SNRNP48: variants seen among roughly 807,000 people sequenced by gnomAD.
The protein encoded by SNRNP48 is U11/U12 small nuclear ribonucleoprotein 48 kDa protein.
Under a neutral mutation model 47.0 loss-of-function variants are expected in SNRNP48, and 43 were observed. The ratio of observed to expected loss-of-function variants is 0.92; its 90% confidence interval spans 0.72 to 1.18. The LOEUF (loss-of-function observed/expected upper bound fraction) is 1.18, where lower values mean the gene tolerates loss of function less well. Ranked by LOEUF, SNRNP48 falls within the 50% of genes most tolerant of loss-of-function variation. The pLI, the probability that SNRNP48 is intolerant of heterozygous loss-of-function variation, is 0.00. For missense variants in SNRNP48, 396 were observed against 422.2 expected (o/e 0.94, Z 0.54); for synonymous variants, 138 against 144.0 (o/e 0.96, Z 0.30).
intron 1 of SNRNP48, among the ~76,000 whole-genome samples, chr6:7,591,677 T>A (rs1307519967): frequency 6.6e-6 from 1 of 152,178 alleles, no homozygotes; most frequent in African/African-American, 2.4e-5. Flanking sequence ...TGTATTAACG[T>A]TTAAATAGCA....
At chr6:7,594,383 G>C (rs78946610) in intron 3 of SNRNP48, among the ~76,000 whole-genome samples, 2,153 of 152,262 alleles carry the variant, frequency 0.014, 61 homozygotes, top group African/African-American at 0.048. Flanking sequence ...ACAAAGCTTT[G>C]TATAGTAGAG....
rs1005413132 is a variant in SNRNP48, at chr6:7,610,750, A to C, written c.*1877A>C. On this transcript the variant is annotated 3_prime_UTR_variant, in exon 9 of 9. Coordinates refer to ENST00000342415, the MANE Select transcript of SNRNP48 (RefSeq NM_152551.4). ...TTTTATAGTATCACTGCTACAAACT[A>C]TTTAATGAAATGTGGCATCGGGTGA... 2.0e-5 allele frequency: 3 copies of C among 152,192 alleles called. No homozygotes were observed. The highest frequency in any genetic ancestry group is 2.9e-5 in the Non-Finnish European group (2 of 68,026). 9.4% of individuals were successfully genotyped at this position (152,192 alleles called of 1,614,324 possible).
At chr6:7,604,271 A>G (rs1226380453) in intron 6 of SNRNP48, among the ~76,000 whole-genome samples, 1 of 152,216 alleles carries the variant, frequency 6.6e-6, no homozygotes, top group African/African-American at 2.4e-5. Context: ...GGACCTTGGC[A>G]TATCTTAGGT....
In SNRNP48 at chr6:7,595,050, A is replaced by G. The variant is rs745617717; in HGVS notation, c.355A>G (p.Ile119Val). The part of the protein sequence containing the change: ...TLNKDSQFQI[I>V]KQARTAVGKD... The stretch of plus-strand genomic sequence containing the variant: ...AGATAAGGACTCACAATTCCAGATA[A>G]TTAAACAAGCTAGAACTGCAGTTGG... Residue 119 changes from isoleucine to valine, a missense_variant, in exon 4 of 9, where the codon ATT becomes GTT. Physicochemically the swap from Ile to Val is conservative, Grantham distance 29. Transcript: ENST00000342415. 5.6e-6 allele frequency: 9 copies of G among 1,600,144 alleles called. No homozygotes were observed. Among genetic ancestry groups the G allele is most frequent in the Non-Finnish European group, 7.7e-6 (9 of 1,175,666 alleles).
intron 7 of SNRNP48, among the ~76,000 whole-genome samples, chr6:7,605,806 G>A (rs1015739416): frequency 6.6e-6 from 1 of 152,110 alleles, no homozygotes; most frequent in Non-Finnish European, 1.5e-5. Flanking sequence ...CAAGGTCATC[G>A]CCAAGGTCTC....
At position 7,590,392 on chromosome 6, in the gene SNRNP48, C is replaced by A; in HGVS notation, c.135C>A (p.Pro45=). The A allele has an allele frequency of 7.5e-7, 1 of 1,328,844 alleles. No homozygotes were observed. Among genetic ancestry groups the A allele is most frequent in the Admixed American group, 3.6e-5 (1 of 27,506 alleles). The allele number at this position is 1,328,844 out of a possible 1,614,324, so 82.3% of individuals were successfully genotyped here. A position where few individuals can be genotyped will look rare whatever the true frequency, so the allele number is the denominator to read the frequency against. The change falls in exon 1 of 9, where the codon CCC becomes CCA. Residue 45 remains proline, a synonymous_variant. Transcript: ENST00000342415. Reference sequence around the variant, plus strand: ...GCTGGGACCTAGATAGTCTGGATCCCGGGGAAGAGGAGGCGGCGGAGGTGA... The same window carrying A: ...GCTGGGACCTAGATAGTCTGGATCCAGGGGAAGAGGAGGCGGCGGAGGTGA... The part of the protein sequence containing the change: ...SLGWDLDSLD[P]GEEEAAEDEV...
rs1284702516 is a variant in SNRNP48 at position 7,590,262 on chromosome 6, A to C, written c.5A>C (p.Glu2Ala). ...CTTGGCGGGTGGGCTGCAGCTATGG[A>C]GGGCGAGCCTCCACCTGTGGAGGAG... is the stretch of plus-strand genomic sequence containing the variant. M[E>A]GEPPPVEERR... Residue 2 changes from glutamate to alanine, a missense_variant, in exon 1 of 9, where the codon GAG (glutamate) becomes GCG (alanine). Transcript: ENST00000342415. 5 of 1,332,812 alleles carry C rather than the reference A, an allele frequency of 3.8e-6. No homozygotes were observed. The highest frequency in any genetic ancestry group is 4.8e-6 in the Non-Finnish European group (5 of 1,032,524). 82.6% of individuals were successfully genotyped at this position (1,332,812 alleles called of 1,614,324 possible).
chr6:7,591,612 T>C (rs555046378), intron 1 of SNRNP48, among the ~76,000 whole-genome samples: 2 of 152,240 alleles, frequency 1.3e-5, no homozygotes, highest in Admixed American at 1.3e-4. Context: ...TGAGTGGGGC[T>C]TACCAGACCC....
intron 4 of SNRNP48, among the ~76,000 whole-genome samples, chr6:7,598,567 G>T (rs1332134461): frequency 1.3e-5 from 2 of 152,072 alleles, no homozygotes; most frequent in African/African-American, 2.4e-5. Flanking sequence ...TATTTTTGTG[G>T]CTCACTTATG....
chr6:7,602,775 A>G (rs769193433), intron 6 of SNRNP48, 31 bp downstream of exon 6: 1 of 1,506,868 alleles, frequency 6.6e-7, no homozygotes, highest in Non-Finnish European at 8.9e-7. Flanking sequence ...GTTGATAAGA[A>G]TTTCCCTTAG....
rs1760021159 is a variant in SNRNP48, at chr6:7,601,486, G to A, written c.557G>A (p.Ser186Asn). 6.3e-7 allele frequency: 1 copy of A among 1,595,720 alleles called. No individual in the cohort carries two copies. The highest frequency in any genetic ancestry group is 8.5e-7 in the Non-Finnish European group (1 of 1,175,742). The change falls in exon 5 of 9, where the codon AGC becomes AAC. Residue 186 changes from serine to asparagine, a missense_variant. By Grantham distance (46) the Ser-to-Asn change is conservative. Transcript: ENST00000342415. ...RSDSQIIEND[S>N]DLFVDLAAKI... is the part of the protein sequence containing the mutation. ...GATTCTCAAATTATTGAAAATGACA[G>A]CGATCTCTTTGTAGACTTGGCTGCC...
chr6:7,598,914 A>G (rs906342988), intron 4 of SNRNP48, among the ~76,000 whole-genome samples: 1 of 152,146 alleles, frequency 6.6e-6, no homozygotes, highest in African/African-American at 2.4e-5. Flanking sequence ...ATAAACAATC[A>G]TTTTATGTTT....
chr6:7,605,610 C>A, intron 7 of SNRNP48, 124 bp downstream of exon 7: 1 of 909,102 alleles, frequency 1.1e-6, no homozygotes. Flanking sequence ...CGTGAAAATG[C>A]TTTTTGTTTT....
chr6:7,593,635 A>G (rs554471367), intron 1 of SNRNP48, 99 bp from the exon 2 acceptor site: 1 of 713,532 alleles, frequency 1.4e-6, no homozygotes, highest in Non-Finnish European at 2.2e-6. Context: ...AGGATGCACT[A>G]TACAGTACTG....
intron 6 of SNRNP48, among the ~76,000 whole-genome samples, chr6:7,603,621 C>T (rs929351673): frequency 2.0e-5 from 3 of 152,144 alleles, no homozygotes; most frequent in African/African-American, 7.2e-5. Flanking sequence ...CATTTTAAAT[C>T]TTGTTGAGTT....
chr6:7,607,295 G>A (rs890143827), intron 8 of SNRNP48, among the ~76,000 whole-genome samples: 1 of 152,162 alleles, frequency 6.6e-6, no homozygotes, highest in Admixed American at 6.5e-5. Flanking sequence ...TCCAGCCTGG[G>A]CAACAAAGTG....
intron 8 of SNRNP48, among the ~76,000 whole-genome samples, 169 bp downstream of exon 8, chr6:7,606,364 A>C (rs932700934): frequency 5.3e-5 from 8 of 152,214 alleles, no homozygotes; most frequent in African/African-American, 1.4e-4. Flanking sequence ...CAGTTCAAAT[A>C]ACCACCACTC....
Position 7,590,251 on chromosome 6 carries a change from T to G in SNRNP48, c.-7T>G, listed in dbSNP as rs377738589. 8.1e-3 allele frequency: 10,617 copies of G among 1,309,698 alleles called. 58 individuals are homozygous for G. The highest frequency in any genetic ancestry group is 9.4e-3 in the Non-Finnish European group (9,564 of 1,021,208). The allele number at this position is 1,309,698 out of a possible 1,614,324, so 81.1% of individuals were successfully genotyped here. On this transcript the variant is annotated 5_prime_UTR_variant, in exon 1 of 9. Transcript: ENST00000342415. The stretch of plus-strand genomic sequence containing the variant: ...GGCCGCTTCCTCTTGGCGGGTGGGC[T>G]GCAGCTATGGAGGGCGAGCCTCCAC...
rs1412761082 is a variant in SNRNP48, at chr6:7,594,158, GAGTA to G, written c.331+4_331+7del. ...ATGTGAAGATACCTTCGATTACTTT[GAGTA>G]AGTATTAAGTTATTATAATTTAAAA... On this transcript the variant is annotated splice_donor_variant and splice_donor_region_variant and coding_sequence_variant and intron_variant, in exon 3 of 9. Transcript: ENST00000342415. LOFTEE classifies it high-confidence loss of function. 6 of 1,320,578 alleles carry G rather than the reference GAGTA, an allele frequency of 4.5e-6. No homozygotes were observed. Among genetic ancestry groups the G allele is most frequent in the African/African-American group, 4.5e-5 (3 of 66,752 alleles). The allele number at this position is 1,320,578 out of a possible 1,614,324, so 81.8% of individuals were successfully genotyped here. A position where few individuals can be genotyped will look rare whatever the true frequency, so the allele number is the denominator to read the frequency against.
Sources: gnomAD v4.1 joint callset for allele counts (sites outside exome capture counted in the v4.1 genomes callset) on GRCh38, gnomAD v4.1.1 for gene constraint, MANE v1.5 for transcripts, NCBI Gene and HGNC (gene_info 2026-07-23, HGNC 2026-07-21) for gene names.